DOCK2: variants seen among roughly 807,000 people sequenced by gnomAD.
DOCK2 encodes the protein dedicator of cytokinesis 2, also known as dedicator of cytokinesis protein 2.
A neutral mutation model predicts 248.9 loss-of-function variants in DOCK2; 87 were observed. The ratio of observed to expected loss-of-function variants is 0.35; its 90% CI spans 0.29 to 0.42. DOCK2 has a LOEUF of 0.42. DOCK2 is among the 10% of genes least tolerant of loss of function. The pLI, the probability that DOCK2 is intolerant of heterozygous loss-of-function variation, is 1.00. For missense variants in DOCK2, 1,747 were observed against 2,300.2 expected (o/e 0.76, Z 4.92); for synonymous variants, 805 against 821.6 (o/e 0.98, Z 0.35).
chr5:169,799,320 A>G (rs1766833371), intron 25 of DOCK2, among the ~76,000 whole-genome samples: 1 of 152,182 alleles, frequency 6.6e-6, no homozygotes, highest in Admixed American at 6.5e-5. Context: ...CACAATTTTT[A>G]TCTTCTGGTT....
chr5:169,855,504 A>C (rs1298335796), intron 27 of DOCK2, among the ~76,000 whole-genome samples: 1 of 152,156 alleles, frequency 6.6e-6, no homozygotes, highest in Non-Finnish European at 1.5e-5. Context: ...TAGGGGAAGG[A>C]ATTTTTATGC....
chr5:169,941,261 T>G (rs1776233428), intron 27 of DOCK2, among the ~76,000 whole-genome samples: 1 of 152,202 alleles, frequency 6.6e-6, no homozygotes, highest in Non-Finnish European at 1.5e-5. Context: ...CAGGCTGGAA[T>G]GCAATGGATA....
At chr5:169,790,312 A>G (rs2113058501) in intron 25 of DOCK2, among the ~76,000 whole-genome samples, 1 of 152,266 alleles carries the variant, frequency 6.6e-6, no homozygotes, top group Middle Eastern at 3.4e-3. Context: ...GATGGGGGCA[A>G]TATAGGATTG....
chr5:169,713,766 G>A (rs748453499), intron 17 of DOCK2, among the ~76,000 whole-genome samples: 1 of 152,136 alleles, frequency 6.6e-6, no homozygotes, highest in African/African-American at 2.4e-5. Context: ...TTTCAATTCC[G>A]TTTTTATTTT....
intron 27 of DOCK2, among the ~76,000 whole-genome samples, chr5:169,903,329 AG>A (rs1309423895): frequency 2.8e-5 from 4 of 144,404 alleles, no homozygotes; most frequent in African/African-American, 1.0e-4. Context: ...AAAAAAAAAA[AG>A]GAAAAGGAAA....
At chr5:170,051,940 G>A (rs1357749383) in intron 41 of DOCK2, among the ~76,000 whole-genome samples, 1 of 152,188 alleles carries the variant, frequency 6.6e-6, no homozygotes, top group Non-Finnish European at 1.5e-5. Context: ...GTGTCAGTGT[G>A]GCCAAGCATG....
intron 27 of DOCK2, among the ~76,000 whole-genome samples, chr5:169,963,660 C>G (rs1208316555): frequency 6.6e-6 from 1 of 152,138 alleles, no homozygotes; most frequent in African/African-American, 2.4e-5. Flanking sequence ...TAACCCACCC[C>G]CTCACCCAGT....
intron 26 of DOCK2, among the ~76,000 whole-genome samples, chr5:169,820,178 G>A (rs1367573486): frequency 6.6e-6 from 1 of 152,248 alleles, no homozygotes; most frequent in African/African-American, 2.4e-5. Context: ...TGCCTCTGTA[G>A]ACTGCACCTC....
intron 46 of DOCK2, among the ~76,000 whole-genome samples, chr5:170,069,560 C>T (rs978777098): frequency 6.6e-6 from 1 of 152,140 alleles, no homozygotes; most frequent in African/African-American, 2.4e-5. Flanking sequence ...CAGCACCTTC[C>T]CCCGACACCC....
At chr5:169,952,413 C>T (rs1287113744) in intron 27 of DOCK2, among the ~76,000 whole-genome samples, 1 of 151,990 alleles carries the variant, frequency 6.6e-6, no homozygotes, top group Non-Finnish European at 1.5e-5. Flanking sequence ...ATTATGGCTC[C>T]CCTTTAAGTA....
intron 14 of DOCK2, among the ~76,000 whole-genome samples, chr5:169,707,884 A>G (rs1432281358): frequency 6.6e-6 from 1 of 152,254 alleles, no homozygotes; most frequent in African/African-American, 2.4e-5. Context: ...GCTGGTTGTC[A>G]CTTACAGTAA....
At chr5:169,864,162 G>A in intron 27 of DOCK2, 1 of 961,196 alleles carries the variant, frequency 1.0e-6, no homozygotes, top group South Asian at 1.5e-5. Context: ...AGGCCAAGGG[G>A]CTCACAGCCC....
intron 27 of DOCK2, among the ~76,000 whole-genome samples, chr5:169,911,709 C>T (rs1367748571): frequency 6.6e-6 from 1 of 152,194 alleles, no homozygotes; most frequent in Non-Finnish European, 1.5e-5. Flanking sequence ...GTTGGTGCTA[C>T]AGAGATGGTA....
chr5:169,920,396 G>A (rs924227439), intron 27 of DOCK2, among the ~76,000 whole-genome samples: 1 of 152,190 alleles, frequency 6.6e-6, no homozygotes, highest in Non-Finnish European at 1.5e-5. Flanking sequence ...AATACTTTCT[G>A]AGAGTTGTTG....
intron 27 of DOCK2, among the ~76,000 whole-genome samples, chr5:169,856,206 G>A (rs261038): frequency 0.64 from 96,637 of 151,990 alleles, 31,287 homozygotes; most frequent in African/African-American, 0.74. Flanking sequence ...CAGAATACAA[G>A]AATAGCATTT....
At chr5:169,859,068 T>A (rs553440629) in intron 27 of DOCK2, among the ~76,000 whole-genome samples, 1 of 152,130 alleles carries the variant, frequency 6.6e-6, no homozygotes, top group Admixed American at 6.5e-5. Context: ...GGGAGACCTG[T>A]TGGGGAGGTT....
chr5:169,693,475 T>TG (rs1303901997), intron 9 of DOCK2, among the ~76,000 whole-genome samples: 2 of 151,954 alleles, frequency 1.3e-5, no homozygotes, highest in Admixed American at 6.6e-5. Flanking sequence ...TTAATGTTGT[T>TG]GGGGGGAAAT....
intron 38 of DOCK2, among the ~76,000 whole-genome samples, chr5:170,043,967 A>C (rs939619967): frequency 7.2e-5 from 11 of 152,260 alleles, no homozygotes; most frequent in Admixed American, 7.2e-4. Flanking sequence ...ATAATGGGGA[A>C]AAAGGCAAAG....
intron 26 of DOCK2, among the ~76,000 whole-genome samples, chr5:169,827,829 A>G (rs1287597095): frequency 1.3e-5 from 2 of 152,142 alleles, no homozygotes; most frequent in Non-Finnish European, 2.9e-5. Context: ...GAACTTTAAA[A>G]ATGTTGAAAT....
Sources: gnomAD v4.1 joint callset for allele counts (sites outside exome capture counted in the v4.1 genomes callset) on GRCh38, gnomAD v4.1.1 for gene constraint, MANE v1.5 for transcripts, NCBI Gene and HGNC (gene_info 2026-07-23, HGNC 2026-07-21) for gene names.